The following CTNNA2 variants were observed in gnomAD, a reference collection of about 807,000 sequenced individuals.
CTNNA2 encodes catenin alpha-2.
In CTNNA2, 42 loss-of-function variants were observed where a neutral mutation model predicts 101.0. The ratio of observed to expected loss-of-function variants is 0.42; its 90% CI spans 0.32 to 0.54. The LOEUF (loss-of-function observed/expected upper bound fraction) is 0.54, where lower values mean the gene tolerates loss of function less well. Among genes scored for constraint, CTNNA2 ranks in the 20% least tolerant of loss-of-function variants. CTNNA2 has a pLI of 0.14. For synonymous variants in CTNNA2, 450 were observed against 456.4 expected, an observed-to-expected ratio of 0.99 and a Z score of 0.18; for missense variants, 871 against 1,223.1, an observed-to-expected ratio of 0.71 and a Z score of 4.29.
At chr2:79,618,720 C>A (rs1678801863) in intron 1 of CTNNA2, among the ~76,000 whole-genome samples, 2 of 152,246 alleles carry the variant, frequency 1.3e-5, no homozygotes, top group Admixed American at 1.3e-4. Flanking sequence ...TATCTATATT[C>A]ACTTCGTAAT....
At chr2:80,308,438 A>G (rs1407656331) in intron 7 of CTNNA2, among the ~76,000 whole-genome samples, 4 of 152,214 alleles carry the variant, frequency 2.6e-5, no homozygotes, top group Non-Finnish European at 5.9e-5. Flanking sequence ...TTTCTTTAAA[A>G]GGAAACCTTT....
At chr2:80,645,638 ATGCTGT>A (rs1364857024) in intron 18 of CTNNA2, among the ~76,000 whole-genome samples, 1 of 152,086 alleles carries the variant, frequency 6.6e-6, no homozygotes, top group African/African-American at 2.4e-5. Context: ...GGTGATGCTG[ATGCTGT>A]TGCACCTCAG....
chr2:79,739,136 G>T (rs747004485), intron 2 of CTNNA2, among the ~76,000 whole-genome samples: 1 of 149,972 alleles, frequency 6.7e-6, no homozygotes, highest in Non-Finnish European at 1.5e-5. Context: ...TAGGAAAGAA[G>T]AATGTGTGGA....
Position 80,623,971 on chromosome 2 carries a change from G to C in CTNNA2, c.2574+4743G>C, listed in dbSNP as rs371897246. 9.9e-5 allele frequency among the ~76,000 whole-genome samples: 14 copies of C among 141,404 alleles called. No homozygotes were observed. In the South Asian group the frequency reaches 2.1e-3, roughly 22 times the overall value. The allele number at this position is 141,404 out of a possible 152,430, so 92.8% of individuals were successfully genotyped here. On this transcript the variant is annotated intron_variant, in intron 18 of 18. Coordinates refer to ENST00000402739, the MANE Select transcript of CTNNA2 (RefSeq NM_001282597.3). ...AATTGTGGTTAAGCATGAGAACTAA[G>C]AAAGATGGTTATTAAATATAAATAA...
intron 17 of CTNNA2, among the ~76,000 whole-genome samples, chr2:80,610,706 T>C (rs1439177076): frequency 6.6e-6 from 1 of 151,716 alleles, no homozygotes; most frequent in East Asian, 1.9e-4. Context: ...TTTAGTCTTA[T>C]GCTGGCATGA....
intron 7 of CTNNA2, among the ~76,000 whole-genome samples, chr2:80,217,475 C>T (rs1708339015): frequency 1.3e-5 from 2 of 152,080 alleles, no homozygotes; most frequent in South Asian, 4.1e-4. Context: ...GCCTTCCCCA[C>T]AGAGAACCTA....
At chr2:79,238,699 T>C (rs1195462807) in intron 2 of CTNNA2, among the ~76,000 whole-genome samples, 1 of 152,188 alleles carries the variant, frequency 6.6e-6, no homozygotes, top group Non-Finnish European at 1.5e-5. Flanking sequence ...AAAGAATGTC[T>C]ATGATGTAAT....
chr2:79,434,362 T>C (rs1253000082), intron 4 of CTNNA2, among the ~76,000 whole-genome samples: 1 of 147,352 alleles, frequency 6.8e-6, no homozygotes, highest in East Asian at 2.0e-4. Flanking sequence ...GTGGATAGAA[T>C]GAAAAAGAGA....
chr2:80,238,576 T>C (rs1303915464), intron 7 of CTNNA2, among the ~76,000 whole-genome samples: 2 of 152,114 alleles, frequency 1.3e-5, no homozygotes, highest in Non-Finnish European at 2.9e-5. Flanking sequence ...TGCATAATGA[T>C]AGCTCACTCA....
chr2:80,346,841 C>T (rs1311352152), intron 7 of CTNNA2, among the ~76,000 whole-genome samples: 1 of 152,210 alleles, frequency 6.6e-6, no homozygotes, highest in East Asian at 1.9e-4. Context: ...CTGTATTCAT[C>T]TCCTAGGTAG....
At chr2:79,631,575 A>G (rs1679697299) in intron 1 of CTNNA2, among the ~76,000 whole-genome samples, 1 of 152,080 alleles carries the variant, frequency 6.6e-6, no homozygotes, top group South Asian at 2.1e-4. Flanking sequence ...TGTTTAGGAG[A>G]ATTTTAGGTG....
chr2:79,391,567 C>A (rs938047739), intron 4 of CTNNA2, among the ~76,000 whole-genome samples: 2 of 152,108 alleles, frequency 1.3e-5, no homozygotes, highest in African/African-American at 4.8e-5. Context: ...TGGGGGATGG[C>A]ACCCCTAACC....
chr2:79,723,588 G>A (rs949140936), intron 2 of CTNNA2, among the ~76,000 whole-genome samples: 34 of 152,162 alleles, frequency 2.2e-4, no homozygotes, highest in African/African-American at 8.2e-4. Context: ...GAATCCCCAT[G>A]TAGCTTTCAG....
intron 3 of CTNNA2, among the ~76,000 whole-genome samples, chr2:79,354,455 C>T (rs767025189): frequency 6.6e-6 from 1 of 152,094 alleles, no homozygotes; most frequent in Non-Finnish European, 1.5e-5. Context: ...CTTTTCTCAG[C>T]TTGGTGTATT....
chr2:79,765,922 C>T (rs930166403), intron 3 of CTNNA2, among the ~76,000 whole-genome samples: 1 of 152,164 alleles, frequency 6.6e-6, no homozygotes, highest in South Asian at 2.1e-4. Context: ...TATTTGTGCA[C>T]GTTGTCAATG....
chr2:80,085,698 C>G (rs374495044), intron 7 of CTNNA2, among the ~76,000 whole-genome samples: 1 of 151,682 alleles, frequency 6.6e-6, no homozygotes, highest in Non-Finnish European at 1.5e-5. Context: ...TTTTCAAGTT[C>G]TCTGGCTTCC....
chr2:80,112,535 T>G (rs1188812163), intron 7 of CTNNA2, among the ~76,000 whole-genome samples: 2 of 152,212 alleles, frequency 1.3e-5, no homozygotes, highest in Non-Finnish European at 2.9e-5. Context: ...TTATTTTATA[T>G]CTTCTAGATG....
chr2:80,083,715 T>A (rs1476405010), intron 7 of CTNNA2, among the ~76,000 whole-genome samples: 1 of 152,168 alleles, frequency 6.6e-6, no homozygotes, highest in Non-Finnish European at 1.5e-5. Flanking sequence ...GTGGTATTAT[T>A]TGAGTAAGGA....
chr2:80,057,179 T>G (rs1362505155), intron 7 of CTNNA2, among the ~76,000 whole-genome samples: 3 of 151,652 alleles, frequency 2.0e-5, no homozygotes, highest in Non-Finnish European at 4.4e-5. Context: ...TAAGTTGTTT[T>G]TTTTTTTTTT....
Sources: allele counts gnomAD v4.1 joint callset (sites outside exome capture counted in the v4.1 genomes callset), GRCh38; gene constraint gnomAD v4.1.1; transcripts MANE v1.5; gene names NCBI Gene and HGNC (gene_info 2026-07-23, HGNC 2026-07-21).